C8orf88: variants seen among roughly 807,000 people sequenced by gnomAD.
C8orf88 encodes uncharacterized protein C8orf88.
Under a neutral mutation model 18.4 loss-of-function variants are expected in C8orf88, and 14 were observed. The ratio of observed to expected loss-of-function variants is 0.76; its 90% confidence interval spans 0.50 to 1.19. The LOEUF (loss-of-function observed/expected upper bound fraction) is 1.19, where lower values mean the gene tolerates loss of function less well. C8orf88 is among the 50% of genes most tolerant of loss of function. The pLI is 0.00. For missense variants in C8orf88, 116 were observed against 134.7 expected, an observed-to-expected ratio of 0.86 and a Z score of 0.69; for synonymous variants, 45 against 42.9, an observed-to-expected ratio of 1.05 and a Z score of -0.19.
At chr8:90,979,358 C>A (rs1811398484) in intron 2 of C8orf88, among the ~76,000 whole-genome samples, 1 of 152,134 alleles carries the variant, frequency 6.6e-6, no homozygotes, top group Non-Finnish European at 1.5e-5. Flanking sequence ...TACATTCTTT[C>A]CTTTAGGATA....
At chr8:90,983,124 A>G (rs1389298357) in intron 1 of C8orf88, among the ~76,000 whole-genome samples, 1 of 152,162 alleles carries the variant, frequency 6.6e-6, no homozygotes, top group African/African-American at 2.4e-5. Flanking sequence ...TATCATATCA[A>G]CGATTCAAAG....
intron 2 of C8orf88, among the ~76,000 whole-genome samples, chr8:90,979,458 T>A (rs375625706): frequency 6.6e-6 from 1 of 152,214 alleles, no homozygotes; most frequent in Non-Finnish European, 1.5e-5. Context: ...AGAAGATCCA[T>A]TAATTTCATT....
At chr8:90,966,818 C>A (rs1414920561) in intron 4 of C8orf88, among the ~76,000 whole-genome samples, 1 of 151,798 alleles carries the variant, frequency 6.6e-6, no homozygotes, top group African/African-American at 2.4e-5. Flanking sequence ...TTAAAAATAG[C>A]AAAAGATGAA....
intron 4 of C8orf88, among the ~76,000 whole-genome samples, chr8:90,965,822 A>G (rs74322971): frequency 0.033 from 4,949 of 151,972 alleles, 263 homozygotes; most frequent in African/African-American, 0.11. Flanking sequence ...CTTAGAAAAT[A>G]TGTGACAAAT....
chr8:90,983,264 A>G (rs1438708959), intron 1 of C8orf88, among the ~76,000 whole-genome samples: 1 of 152,184 alleles, frequency 6.6e-6, no homozygotes, highest in Non-Finnish European at 1.5e-5. Context: ...TTTTTAAAGG[A>G]TATTTTGATC....
intron 2 of C8orf88, 80 bp from the exon 3 acceptor site, chr8:90,978,732 C>T: frequency 2.6e-6 from 2 of 766,398 alleles, no homozygotes; most frequent in Non-Finnish European, 4.1e-6. Flanking sequence ...CTTAAGTATC[C>T]AAGATATTCT....
At chr8:90,978,410 A>G in intron 3 of C8orf88, among the ~76,000 whole-genome samples, 169 bp downstream of exon 3, 1 of 152,220 alleles carries the variant, frequency 6.6e-6, no homozygotes, top group South Asian at 2.1e-4. Context: ...CAAAATGTTT[A>G]GACTTAAAAA....
intron 4 of C8orf88, among the ~76,000 whole-genome samples, chr8:90,967,073 C>T (rs1020602384): frequency 6.6e-6 from 1 of 151,898 alleles, no homozygotes; most frequent in African/African-American, 2.4e-5. Flanking sequence ...ATGGCTAGAA[C>T]TTTCAACATA....
At chr8:90,970,055 CAT>C (rs1811261453) in intron 4 of C8orf88, among the ~76,000 whole-genome samples, 1 of 151,750 alleles carries the variant, frequency 6.6e-6, no homozygotes, top group Non-Finnish European at 1.5e-5. Flanking sequence ...CAATAGATAA[CAT>C]AGAAAAATAA....
chr8:90,971,619 AATTGATGT>A (rs1475637994), intron 3 of C8orf88, among the ~76,000 whole-genome samples: 2 of 152,062 alleles, frequency 1.3e-5, no homozygotes, highest in Non-Finnish European at 2.9e-5. Flanking sequence ...AAATAAGAAA[AATTGATGT>A]ATCCAATGAG....
rs544807998 is a variant in C8orf88 at position 90,969,133 on chromosome 8, T to C, written c.223+1933A>G. Reference sequence around the variant, plus strand: ...CTCCTAGGTATATGCCTGAGAGAAATGAAAACAAGTGTTGAAACAAAAACT... The same window carrying C: ...CTCCTAGGTATATGCCTGAGAGAAACGAAAACAAGTGTTGAAACAAAAACT... On this transcript the variant is annotated intron_variant, in intron 4 of 5. Transcript: ENST00000517562. Among the ~76,000 whole-genome samples, 4 of 151,774 alleles carry C rather than the reference T, an allele frequency of 2.6e-5. No homozygotes were observed. The South Asian group carries it at 8.3e-4, about 31-fold the overall frequency.
In C8orf88 at chr8:90,971,142, C is replaced by T. The variant is rs1488723433; in HGVS notation, c.148-1G>A. ...AGGCTTGCATTCCATTCGTCTTACACTGTTAAACATGAAGAAAATAAACTT... is the reference window on the plus strand; with the variant it reads ...AGGCTTGCATTCCATTCGTCTTACATTGTTAAACATGAAGAAAATAAACTT... On this transcript the variant is annotated splice_acceptor_variant, in intron 3 of 5. Coordinates refer to ENST00000517562, the MANE Select transcript of C8orf88 (RefSeq NM_001190972.2). LOFTEE classifies it high-confidence loss of function. The T allele has an allele frequency of 6.8e-7, 1 of 1,478,306 alleles. No homozygotes were observed. The allele number at this position is 1,478,306 out of a possible 1,614,324, so 91.6% of individuals were successfully genotyped here.
At chr8:90,982,445 T>C (rs1169664425) in intron 1 of C8orf88, among the ~76,000 whole-genome samples, 2 of 152,130 alleles carry the variant, frequency 1.3e-5, no homozygotes, top group Non-Finnish European at 2.9e-5. Flanking sequence ...CAGAATACAA[T>C]AGGATAGAGT....
At chr8:90,962,430 C>T (rs574913856) in intron 4 of C8orf88, among the ~76,000 whole-genome samples, 10 of 151,416 alleles carry the variant, frequency 6.6e-5, no homozygotes, top group Non-Finnish European at 1.3e-4. Flanking sequence ...TTTCACTCCA[C>T]AAAAACAACA....
chr8:90,979,689 T>C (rs1388194027), intron 2 of C8orf88, among the ~76,000 whole-genome samples: 2 of 152,194 alleles, frequency 1.3e-5, no homozygotes, highest in Admixed American at 1.3e-4. Context: ...GTTTAAAAAG[T>C]TATATGTGTA....
intron 4 of C8orf88, among the ~76,000 whole-genome samples, chr8:90,970,260 A>C (rs903803904): frequency 1.3e-5 from 2 of 151,986 alleles, no homozygotes; most frequent in Non-Finnish European, 2.9e-5. Context: ...TGAAAGATGT[A>C]AGTTCTCATT....
rs1811075904 is a variant in C8orf88, at chr8:90,958,621, A to C, written c.*386T>G. On this transcript the variant is annotated 3_prime_UTR_variant, in exon 6 of 6. Transcript: ENST00000517562. ...AGAAGGAACTTTAAAAGCAACAAGC[A>C]ATTATGTACCATATATACACTGTAG... The C allele has an allele frequency of 5.8e-6, 1 of 173,016 alleles. No individual in the cohort carries two copies. The highest frequency in any genetic ancestry group is 6.5e-5 in the Admixed American group (1 of 15,378). 10.7% of individuals were successfully genotyped at this position (173,016 alleles called of 1,614,324 possible). A position where few individuals can be genotyped will look rare whatever the true frequency, so the allele number is the denominator to read the frequency against.
intron 3 of C8orf88, among the ~76,000 whole-genome samples, chr8:90,974,606 C>CATAACA (rs1254039505): frequency 4.6e-5 from 7 of 152,156 alleles, no homozygotes; most frequent in African/African-American, 1.7e-4. Context: ...CCAAAATTTT[C>CATAACA]AAATACTTTG....
intron 3 of C8orf88, among the ~76,000 whole-genome samples, chr8:90,972,608 A>G (rs375961518): frequency 1.3e-5 from 2 of 152,110 alleles, no homozygotes; most frequent in Admixed American, 1.3e-4. Context: ...TACACCTACA[A>G]AAAGTTTTAT....
Sources: gnomAD v4.1 joint callset for allele counts (sites outside exome capture counted in the v4.1 genomes callset) on GRCh38, gnomAD v4.1.1 for gene constraint, MANE v1.5 for transcripts, NCBI Gene and HGNC (gene_info 2026-07-23, HGNC 2026-07-21) for gene names.